The following UMAD1 variants were observed in gnomAD, a reference collection of about 807,000 sequenced individuals.
UMAD1 encodes the protein UBAP1-MVB12-associated (UMA) domain containing 1, also known as UBAP1-MVB12-associated (UMA)-domain containing protein 1.
UMAD1 carries 8 observed loss-of-function variants against 6.1 expected under a neutral mutation model. That is an observed-to-expected ratio of 1.30 (90% CI 0.76 to 2.35). UMAD1 has a LOEUF of 2.35. Among genes scored for constraint, UMAD1 ranks in the 30% most tolerant of loss-of-function variants. The pLI, the probability that UMAD1 is intolerant of heterozygous loss-of-function variation, is 0.00. For missense variants in UMAD1, 130 were observed against 78.4 expected, an observed-to-expected ratio of 1.66 and a Z score of -2.49; for synonymous variants, 56 against 31.4, an observed-to-expected ratio of 1.78 and a Z score of -2.61.
intron 3 of UMAD1, among the ~76,000 whole-genome samples, chr7:7,835,799 A>C (rs970812226): frequency 6.6e-6 from 1 of 151,894 alleles, no homozygotes; most frequent in African/African-American, 2.4e-5. Context: ...TTTTGTTTCC[A>C]TTTAGTTTGT....
intron 3 of UMAD1, chr7:7,868,368 C>T (rs1784273802): frequency 6.6e-6 from 1 of 152,086 alleles, no homozygotes; most frequent in Non-Finnish European, 1.5e-5. Flanking sequence ...TCAGACAAAC[C>T]ACTTTTCCAA....
chr7:7,646,888 A>G (rs558747563), intron 1 of UMAD1, among the ~76,000 whole-genome samples: 4 of 152,082 alleles, frequency 2.6e-5, no homozygotes, highest in Non-Finnish European at 5.9e-5. Flanking sequence ...AATAGGGGTG[A>G]CATATTGGGC....
chr7:7,719,407 C>T (rs1184890026), intron 2 of UMAD1, among the ~76,000 whole-genome samples: 1 of 152,236 alleles, frequency 6.6e-6, no homozygotes, highest in Non-Finnish European at 1.5e-5. Context: ...GGTGACTAAT[C>T]TCTCTGGCAA....
chr7:7,821,094 A>G (rs1783232878), intron 3 of UMAD1, among the ~76,000 whole-genome samples: 1 of 152,216 alleles, frequency 6.6e-6, no homozygotes, highest in South Asian at 2.1e-4. Flanking sequence ...GTTCATGAAC[A>G]CAAAAGAACA....
intron 3 of UMAD1, among the ~76,000 whole-genome samples, chr7:7,827,388 T>G (rs1783369282): frequency 6.6e-6 from 1 of 152,076 alleles, no homozygotes; most frequent in South Asian, 2.1e-4. Context: ...AGGGCAGTCC[T>G]CCTGTATTCA....
At chr7:7,680,456 T>C (rs989635103) in intron 2 of UMAD1, among the ~76,000 whole-genome samples, 19 of 152,208 alleles carry the variant, frequency 1.2e-4, no homozygotes, top group African/African-American at 4.3e-4. Context: ...TTAGTATAAT[T>C]TGAAGTCAGG....
chr7:7,663,182 T>TA (rs35538283), intron 1 of UMAD1, among the ~76,000 whole-genome samples: 23,491 of 144,188 alleles, frequency 0.16, 2,187 homozygotes, highest in Middle Eastern at 0.23. Flanking sequence ...TTCATTCCAT[T>TA]AAAAAAAAAA....
intron 3 of UMAD1, among the ~76,000 whole-genome samples, chr7:7,844,484 T>G (rs66700272): frequency 6.6e-6 from 1 of 152,002 alleles, no homozygotes; most frequent in Non-Finnish European, 1.5e-5. Flanking sequence ...CCCAGGTGCA[T>G]TTTATAGCAG....
rs557877574 is a variant in UMAD1, at chr7:7,706,901, G to C, written c.82+33448G>C. ...ATCCATTGCAGCACAAACATTTGCA[G>C]GGGTGGCTAAGATCCTAACAGAGGC... On this transcript the variant is annotated intron_variant, in intron 2 of 3. Transcript: ENST00000682710. Among the ~76,000 whole-genome samples, 124 of 152,278 alleles carry C rather than the reference G, an allele frequency of 8.1e-4. 1 individual carries two copies. The South Asian group carries it at 0.024, about 30-fold the overall frequency.
chr7:7,837,957 T>C (rs1783602946), intron 3 of UMAD1, among the ~76,000 whole-genome samples: 1 of 152,098 alleles, frequency 6.6e-6, no homozygotes, highest in African/African-American at 2.4e-5. Context: ...CACAAGATAA[T>C]GGTAAAAGAT....
At chr7:7,867,940 A>G (rs1431142688) in intron 3 of UMAD1, among the ~76,000 whole-genome samples, 1 of 152,018 alleles carries the variant, frequency 6.6e-6, no homozygotes, top group Admixed American at 6.6e-5. Context: ...AAATGCAGAT[A>G]CATTTGTTGG....
chr7:7,762,224 C>T (rs968265629), intron 2 of UMAD1, among the ~76,000 whole-genome samples: 5 of 152,230 alleles, frequency 3.3e-5, no homozygotes, highest in African/African-American at 9.6e-5. Flanking sequence ...TTGGCTGTGT[C>T]ATATGGGTGT....
At chr7:7,670,396 A>G (rs1779576968) in intron 1 of UMAD1, among the ~76,000 whole-genome samples, 1 of 152,204 alleles carries the variant, frequency 6.6e-6, no homozygotes, top group East Asian at 1.9e-4. Flanking sequence ...GGCATGTGGC[A>G]CAGTGAACAA....
intron 2 of UMAD1, chr7:7,736,443 A>G (rs1235549534): frequency 6.5e-6 from 1 of 152,806 alleles, no homozygotes; most frequent in Non-Finnish European, 1.5e-5. Flanking sequence ...ACTTCTGTGC[A>G]TAGGAGGAGG....
Position 7,877,548 on chromosome 7 carries a change from C to G in UMAD1, c.*10C>G. ...GCTCTGTGATTCATAACCTTTATGT[C>G]TGTTTGCACCTTAACAGCTTTAAAA... On this transcript the variant is annotated 3_prime_UTR_variant, in exon 4 of 4. Transcript: ENST00000682710. 1 of 716,054 alleles carries G rather than the reference C, an allele frequency of 1.4e-6. No homozygotes were observed. Among genetic ancestry groups the G allele is most frequent in the African/African-American group, 1.7e-5 (1 of 57,396 alleles). 44.4% of individuals were successfully genotyped at this position (716,054 alleles called of 1,614,324 possible). A position where few individuals can be genotyped will look rare whatever the true frequency, so the allele number is the denominator to read the frequency against.
intron 1 of UMAD1, among the ~76,000 whole-genome samples, chr7:7,647,162 A>G (rs1307539775): frequency 6.6e-6 from 1 of 152,214 alleles, no homozygotes; most frequent in Non-Finnish European, 1.5e-5. Flanking sequence ...CTAGAGCTTT[A>G]GACATTTCCC....
chr7:7,717,973 G>T (rs1160868838), intron 2 of UMAD1, among the ~76,000 whole-genome samples: 1 of 152,178 alleles, frequency 6.6e-6, no homozygotes, highest in Non-Finnish European at 1.5e-5. Flanking sequence ...GATTCTGTTT[G>T]TCATAGTTGT....
intron 2 of UMAD1, among the ~76,000 whole-genome samples, chr7:7,727,062 G>GA (rs201608531): frequency 0.013 from 1,989 of 152,220 alleles, 35 homozygotes; most frequent in African/African-American, 0.037. Context: ...ACTCCATCTG[G>GA]AAAAAAACCC....
intron 2 of UMAD1, among the ~76,000 whole-genome samples, chr7:7,737,148 A>G (rs1429385324): frequency 3.9e-5 from 6 of 152,236 alleles, no homozygotes; most frequent in Admixed American, 1.3e-4. Context: ...TAATTTCTGT[A>G]TATTAATTGA....
Sources: gnomAD v4.1 joint callset for allele counts (sites outside exome capture counted in the v4.1 genomes callset) on GRCh38, gnomAD v4.1.1 for gene constraint, MANE v1.5 for transcripts, NCBI Gene and HGNC (gene_info 2026-07-23, HGNC 2026-07-21) for gene names.